Variants in UGT2A1 observed in about 807,000 individuals in gnomAD.
UGT2A1 encodes the protein UDP glucuronosyltransferase family 2 member A1 complex locus.
UGT2A1 carries 61 observed loss-of-function variants against 45.4 expected under a neutral mutation model. The observed-to-expected ratio is 1.34, with a 90% confidence interval of 1.09 to 1.66. The LOEUF (loss-of-function observed/expected upper bound fraction) is 1.66, where lower values mean the gene tolerates loss of function less well. Ranked by LOEUF, UGT2A1 falls within the 40% of genes most tolerant of loss-of-function variation. The probability of loss-of-function intolerance (pLI) is 0.00; values close to 1 mark genes in which losing one functional copy is unlikely to be tolerated. For missense variants in UGT2A1, 649 were observed against 574.3 expected, an observed-to-expected ratio of 1.13 and a Z score of -1.33; for synonymous variants, 229 against 196.2, an observed-to-expected ratio of 1.17 and a Z score of -1.40.
At chr4:69,622,776 G>A (rs917885044) in intron 3 of UGT2A1, among the ~76,000 whole-genome samples, 2 of 151,646 alleles carry the variant, frequency 1.3e-5, no homozygotes, top group Non-Finnish European at 3.0e-5. Flanking sequence ...GACCCATAGG[G>A]TCAACAGGAA....
intron 6 of UGT2A1, among the ~76,000 whole-genome samples, chr4:69,591,886 G>T (rs540522103): frequency 6.6e-6 from 1 of 152,208 alleles, no homozygotes; most frequent in South Asian, 2.1e-4. Context: ...GTCAAAAAAA[G>T]ATCATACTGA....
chr4:69,642,631 A>T (rs1434818416), intron 2 of UGT2A1, among the ~76,000 whole-genome samples: 1 of 151,736 alleles, frequency 6.6e-6, no homozygotes, highest in Non-Finnish European at 1.5e-5. Flanking sequence ...CCCACAGTTC[A>T]TGCAAAGATC....
intron 3 of UGT2A1, among the ~76,000 whole-genome samples, chr4:69,621,115 G>A (rs554148133): frequency 3.3e-5 from 5 of 151,766 alleles, no homozygotes; most frequent in East Asian, 1.9e-4. Context: ...CAAAGATGCC[G>A]AAAGCAATCA....
chr4:69,618,216 TA>T (rs58770288), intron 3 of UGT2A1, among the ~76,000 whole-genome samples: 1,180 of 111,908 alleles, frequency 0.011, 20 homozygotes, highest in African/African-American at 0.034. Flanking sequence ...TGTGTGTGTG[TA>T]TGTTTGTGTG....
chr4:69,627,020 T>C (rs1721099427), intron 3 of UGT2A1, among the ~76,000 whole-genome samples: 1 of 151,924 alleles, frequency 6.6e-6, no homozygotes, highest in Non-Finnish European at 1.5e-5. Context: ...TTTATTTTAT[T>C]AGATAATGGC....
At chr4:69,624,241 C>A (rs1004088982) in intron 3 of UGT2A1, among the ~76,000 whole-genome samples, 9 of 151,470 alleles carry the variant, frequency 5.9e-5, no homozygotes, top group African/African-American at 2.2e-4. Flanking sequence ...CCTTTATTCT[C>A]ATAATAATCA....
At chr4:69,599,636 GGAGA>G (rs1316290677) in intron 3 of UGT2A1, 2 of 406,130 alleles carry the variant, frequency 4.9e-6, no homozygotes, top group Non-Finnish European at 4.2e-6. Context: ...AAGCAGGGAG[GGAGA>G]GAGAGGAAAG....
rs1167679576 is a variant in UGT2A1, at chr4:69,635,693, G to C, written c.845C>G (p.Ala282Gly). The C allele has an allele frequency of 3.5e-6, 1 of 283,516 alleles. No individual in the cohort carries two copies. Among genetic ancestry groups the C allele is most frequent in the Non-Finnish European group, 7.1e-6 (1 of 141,832 alleles). 17.6% of individuals were successfully genotyped at this position (283,516 alleles called of 1,614,324 possible). The change falls in exon 3 of 7, where the codon GCA (alanine) becomes GGA (glycine). Residue 282 changes from alanine (A) to glycine (G), a missense_variant and splice_region_variant. Physicochemically the swap from Ala to Gly is moderately conservative, Grantham distance 60 (BLOSUM62 0). Transcript: ENST00000286604. Reference protein sequence around the residue: ...LHCSWDYRLPAGRPTTLCETM... With the variant: ...LHCSWDYRLPGGRPTTLCETM... ...AAAAATACAAAAATTAGCCTGACCT[G>C]CTGGCAGCCTGTAATCCCAACTACA...
intron 3 of UGT2A1, among the ~76,000 whole-genome samples, chr4:69,609,131 T>A (rs1282659506): frequency 6.7e-6 from 1 of 150,144 alleles, no homozygotes; most frequent in African/African-American, 2.5e-5. Flanking sequence ...TAAAACTGGC[T>A]CAGGCTCATC....
chr4:69,617,325 T>C (rs1279574569), intron 3 of UGT2A1, among the ~76,000 whole-genome samples: 1 of 151,906 alleles, frequency 6.6e-6, no homozygotes, highest in Non-Finnish European at 1.5e-5. Flanking sequence ...ATAAGTATGG[T>C]GAGTCCAAAT....
intron 3 of UGT2A1, among the ~76,000 whole-genome samples, chr4:69,607,137 C>T (rs1719677737): frequency 2.0e-5 from 3 of 148,132 alleles, no homozygotes; most frequent in Admixed American, 2.0e-4. Flanking sequence ...AAGAACAAAG[C>T]TGGAGGCATC....
At chr4:69,631,766 G>A (rs918688217) in intron 3 of UGT2A1, among the ~76,000 whole-genome samples, 6 of 152,050 alleles carry the variant, frequency 3.9e-5, no homozygotes, top group Admixed American at 2.6e-4. Flanking sequence ...TGAAGACTAC[G>A]GACATATTAC....
rs1355314158 is a variant in UGT2A1, at chr4:69,639,423, T to C, written c.716-3601A>G. 4 of 1,613,378 alleles carry C rather than the reference T, an allele frequency of 2.5e-6. No individual in the cohort carries two copies. In the Admixed American group the frequency reaches 6.7e-5, roughly 27 times the overall value. ...TTCAAAATTCACAGGAGAATCGGGATTGGAGTTGATGAATAGAGTTGCTGA... is the reference window on the plus strand; with the variant it reads ...TTCAAAATTCACAGGAGAATCGGGACTGGAGTTGATGAATAGAGTTGCTGA... On this transcript the variant is annotated intron_variant, in intron 2 of 6. Coordinates refer to ENST00000286604, the MANE Select transcript of UGT2A1 (RefSeq NM_001252275.3).
chr4:69,599,215 A>G (rs776506791), intron 4 of UGT2A1, 31 bp downstream of exon 4: 1 of 1,578,252 alleles, frequency 6.3e-7, no homozygotes, highest in Non-Finnish European at 8.6e-7. Flanking sequence ...TATTATGAAG[A>G]GCATAAAATC....
At chr4:69,624,263 G>T (rs1208876710) in intron 3 of UGT2A1, among the ~76,000 whole-genome samples, 1 of 151,214 alleles carries the variant, frequency 6.6e-6, no homozygotes, top group Non-Finnish European at 1.5e-5. Context: ...TTCTCTGAAG[G>T]TCTAATTTAT....
At chr4:69,648,550 C>G (rs1327061520) in intron 1 of UGT2A1, among the ~76,000 whole-genome samples, 2 of 151,944 alleles carry the variant, frequency 1.3e-5, no homozygotes, top group African/African-American at 4.8e-5. Context: ...AACTCTTTAA[C>G]ACGTTAATTT....
intron 2 of UGT2A1, among the ~76,000 whole-genome samples, chr4:69,636,974 T>A (rs1020930580): frequency 1.3e-5 from 2 of 152,158 alleles, no homozygotes; most frequent in African/African-American, 4.8e-5. Flanking sequence ...TTTTTGTATG[T>A]CTCTTATTTA....
intron 3 of UGT2A1, among the ~76,000 whole-genome samples, chr4:69,627,054 A>G (rs560862728): frequency 6.6e-6 from 1 of 151,896 alleles, no homozygotes; most frequent in Non-Finnish European, 1.5e-5. Context: ...GATGTATATT[A>G]TAGGTATATT....
chr4:69,597,346 A>G (rs1026680338), intron 4 of UGT2A1, among the ~76,000 whole-genome samples: 1 of 152,164 alleles, frequency 6.6e-6, no homozygotes, highest in Non-Finnish European at 1.5e-5. Flanking sequence ...TGTGCCCTTA[A>G]TTTGAGCCTT....
Sources: gnomAD v4.1 joint callset for allele counts (sites outside exome capture counted in the v4.1 genomes callset) on GRCh38, gnomAD v4.1.1 for gene constraint, MANE v1.5 for transcripts, NCBI Gene and HGNC (gene_info 2026-07-23, HGNC 2026-07-21) for gene names.